The following STIMATE variants were observed in gnomAD, a reference collection of about 807,000 sequenced individuals.
The protein encoded by STIMATE is store-operated calcium entry regulator STIMATE.
STIMATE carries 15 observed loss-of-function variants against 36.7 expected under a neutral mutation model. That is an observed-to-expected ratio of 0.41 (90% CI 0.27 to 0.63). The LOEUF (loss-of-function observed/expected upper bound fraction) is 0.63, where lower values mean the gene tolerates loss of function less well. Among genes scored for constraint, STIMATE ranks in the 20% least tolerant of loss-of-function variants. STIMATE has a pLI of 0.32. For missense variants in STIMATE, 305 were observed against 397.3 expected, an observed-to-expected ratio of 0.77 and a Z score of 1.98; for synonymous variants, 163 against 162.3, an observed-to-expected ratio of 1.00 and a Z score of -0.03.
At chr3:52,876,397 A>AC (rs1245013117) in intron 1 of STIMATE, among the ~76,000 whole-genome samples, 1 of 152,244 alleles carries the variant, frequency 6.6e-6, no homozygotes, top group Non-Finnish European at 1.5e-5. Context: ...TGCAACCCAG[A>AC]CAGCATTATC....
chr3:52,867,427 A>C (rs548040728), intron 1 of STIMATE, among the ~76,000 whole-genome samples: 3 of 152,174 alleles, frequency 2.0e-5, no homozygotes, highest in Non-Finnish European at 2.9e-5. Flanking sequence ...AGGTTTCCCA[A>C]CTCTCAGGAA....
chr3:52,847,702 C>G (rs1335995151), intron 4 of STIMATE, among the ~76,000 whole-genome samples: 1 of 152,124 alleles, frequency 6.6e-6, no homozygotes, highest in Non-Finnish European at 1.5e-5. Flanking sequence ...ACATCCAAAT[C>G]CCTGGAACCT....
At chr3:52,889,777 A>G (rs1373314530) in intron 1 of STIMATE, among the ~76,000 whole-genome samples, 3 of 152,212 alleles carry the variant, frequency 2.0e-5, no homozygotes, top group Non-Finnish European at 4.4e-5. Context: ...GGGCTGCCAC[A>G]TGAGATGTAA....
At chr3:52,847,463 G>A (rs1026583075) in intron 4 of STIMATE, 27 of 1,288,922 alleles carry the variant, frequency 2.1e-5, no homozygotes, top group South Asian at 3.7e-5. Context: ...GACACCATGC[G>A]TCACCTGGAT....
intron 1 of STIMATE, among the ~76,000 whole-genome samples, chr3:52,869,043 TCTAAGTCTAC>T (rs1375160790): frequency 6.6e-6 from 1 of 152,084 alleles, no homozygotes; most frequent in Admixed American, 6.6e-5. Context: ...AAGAGTTGCA[TCTAAGTCTAC>T]CTGAATCCAA....
At chr3:52,875,870 T>C (rs1388349712) in intron 1 of STIMATE, among the ~76,000 whole-genome samples, 1 of 152,160 alleles carries the variant, frequency 6.6e-6, no homozygotes, top group African/African-American at 2.4e-5. Flanking sequence ...GCCCCCTCCC[T>C]CATCCAGAAG....
chr3:52,840,541 G>T lies in STIMATE; in HGVS notation c.838C>A (p.Leu280Ile), dbSNP rs764742814. 5.0e-6 allele frequency: 8 copies of T among 1,613,816 alleles called. No individual in the cohort carries two copies. In the East Asian group the frequency reaches 1.8e-4, roughly 36 times the overall value. The change falls in exon 8 of 8, where the codon CTC becomes ATC. Residue 280 changes from leucine (L) to isoleucine (I), a missense_variant. Transcript: ENST00000355083. ...VEEDLRRLTP[L>I]KPVKKKKHRF... Reference sequence around the variant, plus strand: ...TGCTTCTTTTTCTTCACAGGCTTGAGGGGGGTCAGTCTGCGGAGGTCCTCC... The same window carrying T: ...TGCTTCTTTTTCTTCACAGGCTTGATGGGGGTCAGTCTGCGGAGGTCCTCC...
rs1701886414 is a variant in STIMATE, at chr3:52,897,491, C to A, written c.-41G>T. Reference sequence around the variant, plus strand: ...AGGGGCGCGAGGGCCCAGGGCCCGCCCGGCCTCGCTGCCTGCCGGCGCAGC... The same window carrying A: ...AGGGGCGCGAGGGCCCAGGGCCCGCACGGCCTCGCTGCCTGCCGGCGCAGC... On this transcript the variant is annotated 5_prime_UTR_variant, in exon 1 of 8. Transcript: ENST00000355083. The A allele has an allele frequency of 3.3e-6, 4 of 1,209,704 alleles. No homozygotes were observed. Among genetic ancestry groups the A allele is most frequent in the South Asian group, 4.0e-5 (1 of 25,028 alleles). The allele number at this position is 1,209,704 out of a possible 1,614,324, so 74.9% of individuals were successfully genotyped here. A position where few individuals can be genotyped will look rare whatever the true frequency, so the allele number is the denominator to read the frequency against.
chr3:52,855,485 T>G, intron 1 of STIMATE, 41 bp from the exon 2 acceptor site: 2 of 1,613,584 alleles, frequency 1.2e-6, no homozygotes, highest in South Asian at 2.2e-5. Context: ...CCAAAGAAGT[T>G]ACATAAAGCA....
chr3:52,863,372 A>G (rs1701249903), intron 1 of STIMATE, among the ~76,000 whole-genome samples: 1 of 152,210 alleles, frequency 6.6e-6, no homozygotes, highest in Admixed American at 6.5e-5. Flanking sequence ...TGATAAAATC[A>G]TCAGATCTTG....
intron 1 of STIMATE, among the ~76,000 whole-genome samples, chr3:52,863,001 C>T (rs1701242670): frequency 6.6e-6 from 1 of 152,176 alleles, no homozygotes; most frequent in Admixed American, 6.5e-5. Flanking sequence ...AAAAAGGGTC[C>T]TCTCCCAGAG....
intron 1 of STIMATE, among the ~76,000 whole-genome samples, chr3:52,878,965 T>G (rs1274511773): frequency 1.3e-5 from 2 of 152,206 alleles, no homozygotes; most frequent in Non-Finnish European, 2.9e-5. Context: ...ACTGACTTTG[T>G]GAGGGTGTTA....
intron 2 of STIMATE, 80 bp from the exon 3 acceptor site, chr3:52,852,778 C>A: frequency 1.9e-6 from 3 of 1,562,754 alleles, no homozygotes; most frequent in Non-Finnish European, 1.7e-6. Flanking sequence ...AAGACTGAAA[C>A]AGGAAGAAAG....
At chr3:52,890,639 C>T (rs896951136) in intron 1 of STIMATE, among the ~76,000 whole-genome samples, 22 of 152,236 alleles carry the variant, frequency 1.4e-4, no homozygotes, top group Admixed American at 3.9e-4. Context: ...GCTTTCCTAG[C>T]AGTGGAGTAA....
chr3:52,879,420 G>A (rs1293922738), intron 1 of STIMATE, among the ~76,000 whole-genome samples: 1 of 152,180 alleles, frequency 6.6e-6, no homozygotes, highest in Non-Finnish European at 1.5e-5. Flanking sequence ...GTAGTCTGAT[G>A]GATACTTCAG....
intron 1 of STIMATE, among the ~76,000 whole-genome samples, chr3:52,872,025 G>A (rs779425337): frequency 5.3e-5 from 8 of 152,014 alleles, no homozygotes; most frequent in South Asian, 2.1e-4. Flanking sequence ...CTCTTCTCCC[G>A]GGTCACCAAG....
intron 1 of STIMATE, among the ~76,000 whole-genome samples, chr3:52,872,687 A>AGTG (rs1701427572): frequency 6.6e-6 from 1 of 152,204 alleles, no homozygotes; most frequent in African/African-American, 2.4e-5. Flanking sequence ...GTGCAATGGC[A>AGTG]CAATCTCGGC....
At chr3:52,858,493 G>A (rs1032980568) in intron 1 of STIMATE, among the ~76,000 whole-genome samples, 1 of 151,992 alleles carries the variant, frequency 6.6e-6, no homozygotes, top group Non-Finnish European at 1.5e-5. Context: ...GTGTCTTGAC[G>A]CATGGCTGTG....
chr3:52,896,003 G>A (rs1246734200), intron 1 of STIMATE: 3 of 1,248,550 alleles, frequency 2.4e-6, no homozygotes, highest in East Asian at 5.6e-5. Context: ...AGCAAGGCAA[G>A]TTGGGACTAA....
Sources: allele counts gnomAD v4.1 joint callset (sites outside exome capture counted in the v4.1 genomes callset), GRCh38; gene constraint gnomAD v4.1.1; transcripts MANE v1.5; gene names NCBI Gene and HGNC (gene_info 2026-07-23, HGNC 2026-07-21).